The following UNC13C variants were observed in gnomAD, a reference collection of about 807,000 sequenced individuals.
The protein encoded by UNC13C is unc-13 homolog C.
A neutral mutation model predicts 245.4 loss-of-function variants in UNC13C; 174 were observed. That is an observed-to-expected ratio of 0.71 (90% CI 0.63 to 0.80). The LOEUF (loss-of-function observed/expected upper bound fraction) is 0.80. Among genes scored for constraint, UNC13C ranks in the 30% least tolerant of loss-of-function variants. UNC13C has a pLI of 0.00. For synonymous variants in UNC13C, 992 were observed against 895.1 expected (o/e 1.11, Z -1.93); for missense variants, 2,829 against 2,602.9 (o/e 1.09, Z -1.89).
the UNC13C span, among the ~76,000 whole-genome samples, chr15:53,878,274 G>C: frequency 6.6e-6 from 1 of 152,202 alleles, no homozygotes; most frequent in Non-Finnish European, 1.5e-5. Context: ...TCAAACCAAA[G>C]CTGTGCCTTC....
chr15:54,462,164 A>T (rs1217266356), intron 19 of UNC13C, among the ~76,000 whole-genome samples: 4 of 152,254 alleles, frequency 2.6e-5, no homozygotes, highest in Non-Finnish European at 5.9e-5. Flanking sequence ...TTGAGCATGT[A>T]TATAAAAGAG....
the UNC13C span, among the ~76,000 whole-genome samples, chr15:53,860,958 A>T: frequency 6.6e-6 from 1 of 152,186 alleles, no homozygotes; most frequent in Admixed American, 6.5e-5. Flanking sequence ...CAGTTGATGT[A>T]CATTTGATTT....
At position 54,414,846 on chromosome 15, in the gene UNC13C, C is replaced by T; in HGVS notation, c.4848-136C>T. The T allele has an allele frequency of 9.8e-6, 5 of 510,876 alleles. No individual in the cohort carries two copies. The South Asian group carries it at 1.1e-4, about 12-fold the overall frequency. 31.6% of individuals were successfully genotyped at this position (510,876 alleles called of 1,614,324 possible). ...ATTTTTTTTTTTACTTACGAAAGTT[C>T]ATAAAGAGAAATGTCATAAATAAAA... On this transcript the variant is annotated intron_variant, in intron 18 of 32. Coordinates refer to ENST00000260323, the MANE Select transcript of UNC13C (RefSeq NM_001080534.3).
At chr15:54,043,602 A>G (rs1331276128) in intron 2 of UNC13C, among the ~76,000 whole-genome samples, 1 of 152,118 alleles carries the variant, frequency 6.6e-6, no homozygotes, top group African/African-American at 2.4e-5. Context: ...ATTTGGGGTG[A>G]TTCATTTGGT....
intron 2 of UNC13C, among the ~76,000 whole-genome samples, chr15:54,081,364 C>T (rs62009839): frequency 0.47 from 71,029 of 151,592 alleles, 18,521 homozygotes; most frequent in Non-Finnish European, 0.6. Flanking sequence ...CTTTGATTAT[C>T]TTTCTAGTGC....
chr15:54,270,875 T>C (rs1054546538), intron 10 of UNC13C, among the ~76,000 whole-genome samples: 4 of 151,936 alleles, frequency 2.6e-5, no homozygotes, highest in Non-Finnish European at 4.4e-5. Flanking sequence ...TGATTTTTTT[T>C]CCCCCTACAT....
At chr15:54,057,704 G>C (rs898112264) in intron 2 of UNC13C, among the ~76,000 whole-genome samples, 6 of 152,068 alleles carry the variant, frequency 3.9e-5, no homozygotes, top group Admixed American at 6.6e-5. Context: ...TGACCACACA[G>C]TTGGAAGTAA....
chr15:53,922,813 A>G, the UNC13C span, among the ~76,000 whole-genome samples: 1 of 152,240 alleles, frequency 6.6e-6, no homozygotes, highest in Non-Finnish European at 1.5e-5. Flanking sequence ...TTTAAATAAG[A>G]CATTTAATCT....
At chr15:54,117,884 A>G (rs1012031144) in intron 2 of UNC13C, among the ~76,000 whole-genome samples, 10 of 152,208 alleles carry the variant, frequency 6.6e-5, no homozygotes, top group Admixed American at 3.3e-4. Context: ...CCTGGCCCCA[A>G]ACCATATATT....
At position 54,139,050 on chromosome 15, in the gene UNC13C, C is replaced by T. The variant is rs377109943; in HGVS notation, c.2984-3968C>T. 2.2e-4 allele frequency among the ~76,000 whole-genome samples: 32 copies of T among 143,356 alleles called. No individual in the cohort carries two copies. In the East Asian group the frequency reaches 6.3e-3, roughly 28 times the overall value. The allele number at this position is 143,356 out of a possible 152,430, so 94.0% of individuals were successfully genotyped here. A position where few individuals can be genotyped will look rare whatever the true frequency, so the allele number is the denominator to read the frequency against. On this transcript the variant is annotated intron_variant, in intron 2 of 32. Coordinates refer to ENST00000260323, the MANE Select transcript of UNC13C (RefSeq NM_001080534.3). ...TCTCGACTCACTGCAACCTCCGCCT[C>T]CTGTGTTCAAGCGATTCTTGTGCCT...
chr15:54,107,750 A>G (rs1355989513), intron 2 of UNC13C, among the ~76,000 whole-genome samples: 2 of 152,162 alleles, frequency 1.3e-5, no homozygotes, highest in Admixed American at 1.3e-4. Flanking sequence ...CATGATTCCC[A>G]TTACTTTAGG....
At chr15:54,395,910 T>C (rs979162221) in intron 18 of UNC13C, among the ~76,000 whole-genome samples, 2 of 151,802 alleles carry the variant, frequency 1.3e-5, no homozygotes, top group African/African-American at 4.8e-5. Context: ...TATTCCCATG[T>C]TGATTTATTA....
chr15:53,936,785 G>A, the UNC13C span, among the ~76,000 whole-genome samples: 1 of 152,172 alleles, frequency 6.6e-6, no homozygotes, highest in African/African-American at 2.4e-5. Context: ...CAGCCCTATG[G>A]TTGCTAACAG....
chr15:54,283,219 C>T (rs2037045459), intron 10 of UNC13C, among the ~76,000 whole-genome samples: 1 of 152,144 alleles, frequency 6.6e-6, no homozygotes, highest in African/African-American at 2.4e-5. Context: ...GCCTAGGCAT[C>T]TGGCTGCCTC....
intron 18 of UNC13C, among the ~76,000 whole-genome samples, chr15:54,403,837 G>A (rs2040238841): frequency 6.7e-6 from 1 of 149,956 alleles, no homozygotes; most frequent in Admixed American, 6.7e-5. Context: ...GAAACAGAAA[G>A]CAAAAAGATA....
intron 10 of UNC13C, among the ~76,000 whole-genome samples, chr15:54,280,199 A>G (rs966638600): frequency 6.6e-6 from 1 of 152,112 alleles, no homozygotes. Flanking sequence ...ATAAATGGAA[A>G]CTACTTAAAT....
chr15:54,356,657 G>A (rs2039101946), intron 17 of UNC13C, among the ~76,000 whole-genome samples: 1 of 152,128 alleles, frequency 6.6e-6, no homozygotes, highest in Non-Finnish European at 1.5e-5. Flanking sequence ...TAAGAGCAGA[G>A]TTTTATTATT....
chr15:54,622,299 A>G (rs757650169), intron 30 of UNC13C, 28 bp from the exon 31 acceptor site: 2 of 1,519,544 alleles, frequency 1.3e-6, no homozygotes, highest in Admixed American at 1.7e-5. Context: ...CTGAAAGCTC[A>G]GGCCAGTAAG....
the UNC13C span, among the ~76,000 whole-genome samples, chr15:53,840,685 C>T: frequency 6.6e-6 from 1 of 152,036 alleles, no homozygotes; most frequent in Non-Finnish European, 1.5e-5. Context: ...ATCATGTGTC[C>T]CATTTTGACT....
Sources: allele counts gnomAD v4.1 joint callset (sites outside exome capture counted in the v4.1 genomes callset), GRCh38; gene constraint gnomAD v4.1.1; transcripts MANE v1.5; gene names NCBI Gene and HGNC (gene_info 2026-07-23, HGNC 2026-07-21).